Variants in CPQ observed in about 807,000 individuals in gnomAD.
CPQ encodes Ser-Met dipeptidase.
CPQ carries 37 observed loss-of-function variants against 45.7 expected under a neutral mutation model. The observed-to-expected ratio is 0.81, with a 90% CI of 0.62 to 1.07. The LOEUF (loss-of-function observed/expected upper bound fraction) is 1.07, where lower values mean the gene tolerates loss of function less well. Ranked by LOEUF, CPQ falls within the 50% of genes least tolerant of loss-of-function variation. CPQ has a pLI of 0.00. For synonymous variants in CPQ, 186 were observed against 205.8 expected, an observed-to-expected ratio of 0.90 and a Z score of 0.82; for missense variants, 537 against 572.9, an observed-to-expected ratio of 0.94 and a Z score of 0.64.
intron 2 of CPQ, among the ~76,000 whole-genome samples, chr8:96,808,649 A>G (rs1299937066): frequency 1.3e-5 from 2 of 152,046 alleles, no homozygotes; most frequent in African/African-American, 4.8e-5. Context: ...CTGTAAACCC[A>G]CCTGTTTACT....
intron 1 of CPQ, among the ~76,000 whole-genome samples, chr8:96,772,228 G>A (rs1326612874): frequency 1.3e-5 from 2 of 152,080 alleles, no homozygotes; most frequent in Non-Finnish European, 1.5e-5. Flanking sequence ...AAGGTGGAGA[G>A]GAAGACCTAG....
intron 7 of CPQ, among the ~76,000 whole-genome samples, chr8:97,100,672 G>A (rs921784809): frequency 1.1e-4 from 17 of 151,994 alleles, no homozygotes; most frequent in South Asian, 2.1e-4. Flanking sequence ...AGAATTTATA[G>A]GTTAAAAATG....
chr8:97,034,533 C>T (rs1586505462), intron 6 of CPQ, among the ~76,000 whole-genome samples: 1 of 152,304 alleles, frequency 6.6e-6, no homozygotes, highest in African/African-American at 2.4e-5. Context: ...TTAGAAGCAA[C>T]TCATTTTTCT....
At chr8:96,646,382 A>C (rs565361527) in intron 1 of CPQ, among the ~76,000 whole-genome samples, 1 of 152,300 alleles carries the variant, frequency 6.6e-6, no homozygotes, top group African/African-American at 2.4e-5. Flanking sequence ...GTATTTCTTA[A>C]AGATAAGGGT....
chr8:96,899,964 T>A (rs1812494160), intron 4 of CPQ, among the ~76,000 whole-genome samples: 1 of 152,054 alleles, frequency 6.6e-6, no homozygotes, highest in African/African-American at 2.4e-5. Context: ...GGAAAAAAAA[T>A]AGATGATGTT....
chr8:96,960,652 TA>T (rs980648068), intron 4 of CPQ, among the ~76,000 whole-genome samples: 10 of 152,298 alleles, frequency 6.6e-5, no homozygotes, highest in African/African-American at 2.2e-4. Flanking sequence ...CTCTCTGCCC[TA>T]ACCCCCATTT....
chr8:97,110,721 G>A (rs1244821425), intron 7 of CPQ, among the ~76,000 whole-genome samples: 2 of 151,946 alleles, frequency 1.3e-5, no homozygotes, highest in East Asian at 3.9e-4. Context: ...AGCTTCTGAG[G>A]GACTGCAGTT....
intron 2 of CPQ, among the ~76,000 whole-genome samples, chr8:96,793,773 C>T (rs1164471138): frequency 1.3e-5 from 2 of 152,186 alleles, no homozygotes; most frequent in Non-Finnish European, 2.9e-5. Context: ...AATGGGGGTA[C>T]AGGCATTGGG....
chr8:96,729,036 C>T (rs1008716027), intron 1 of CPQ, among the ~76,000 whole-genome samples: 3 of 152,162 alleles, frequency 2.0e-5, no homozygotes, highest in African/African-American at 4.8e-5. Context: ...GCCTATATTA[C>T]TTATATGTAG....
intron 7 of CPQ, among the ~76,000 whole-genome samples, chr8:97,084,444 A>G (rs549891774): frequency 6.6e-6 from 1 of 152,262 alleles, no homozygotes; most frequent in South Asian, 2.1e-4. Context: ...TGTTGAATCT[A>G]TTTATGAAAA....
intron 1 of CPQ, among the ~76,000 whole-genome samples, chr8:96,650,459 G>T (rs1439032065): frequency 6.6e-6 from 1 of 152,186 alleles, no homozygotes; most frequent in Non-Finnish European, 1.5e-5. Flanking sequence ...AGCAGGTGCA[G>T]CCAGGCATTA....
chr8:97,063,877 T>G (rs1226259618), intron 6 of CPQ, among the ~76,000 whole-genome samples: 2 of 152,146 alleles, frequency 1.3e-5, no homozygotes. Context: ...AATCCTGTAG[T>G]ATAATTTGAA....
chr8:97,080,242 T>G (rs749000968), intron 7 of CPQ, among the ~76,000 whole-genome samples: 9 of 152,218 alleles, frequency 5.9e-5, no homozygotes, highest in Non-Finnish European at 1.3e-4. Flanking sequence ...CGATTGGCAG[T>G]GGTTTTCTGA....
At chr8:96,871,058 ATACATTACTTT>A (rs1563517368) in intron 3 of CPQ, among the ~76,000 whole-genome samples, 1 of 151,956 alleles carries the variant, frequency 6.6e-6, no homozygotes, top group Non-Finnish European at 1.5e-5. Flanking sequence ...TGCTGTTTGT[ATACATTACTTT>A]CCTCCTTTGA....
At chr8:96,698,804 G>A (rs557101281) in intron 1 of CPQ, among the ~76,000 whole-genome samples, 3 of 152,228 alleles carry the variant, frequency 2.0e-5, no homozygotes, top group Admixed American at 6.5e-5. Context: ...CAGTTACAAT[G>A]GCTTTTATCC....
intron 5 of CPQ, among the ~76,000 whole-genome samples, chr8:97,007,680 T>C (rs1429588024): frequency 6.6e-6 from 1 of 152,218 alleles, no homozygotes; most frequent in Non-Finnish European, 1.5e-5. Flanking sequence ...AACACAGTTA[T>C]GCTTTAGTGT....
chr8:96,794,799 A>G (rs1395129466), intron 2 of CPQ, among the ~76,000 whole-genome samples: 1 of 152,124 alleles, frequency 6.6e-6, no homozygotes, highest in Non-Finnish European at 1.5e-5. Flanking sequence ...AAGTTCCACA[A>G]ATTGCTAGGG....
At chr8:96,697,017 A>G (rs1429668764) in intron 1 of CPQ, among the ~76,000 whole-genome samples, 3 of 152,204 alleles carry the variant, frequency 2.0e-5, no homozygotes, top group East Asian at 1.9e-4. Flanking sequence ...CTGGCCTTCT[A>G]TGAGACCAAT....
chr8:96,750,246 T>C (rs1220484296), intron 1 of CPQ, among the ~76,000 whole-genome samples: 7 of 151,940 alleles, frequency 4.6e-5, no homozygotes, highest in Admixed American at 4.6e-4. Flanking sequence ...TAATATATAA[T>C]ACTCAAATTA....
Sources: allele counts gnomAD v4.1 joint callset (sites outside exome capture counted in the v4.1 genomes callset), GRCh38; gene constraint gnomAD v4.1.1; transcripts MANE v1.5; gene names NCBI Gene and HGNC (gene_info 2026-07-23, HGNC 2026-07-21).